Variants in ENOX1 observed in about 807,000 individuals in gnomAD.
ENOX1 encodes ecto-NOX disulfide-thiol exchanger 1, also known as candidate growth-related and time keeping constitutive hydroquinone (NADH) oxidase.
ENOX1 carries 42 observed loss-of-function variants against 82.5 expected under a neutral mutation model. That is an observed-to-expected ratio of 0.51 (90% confidence interval 0.40 to 0.66). ENOX1 has a LOEUF of 0.66. Among genes scored for constraint, ENOX1 ranks in the 30% least tolerant of loss-of-function variants. ENOX1 has a pLI of 0.00. For synonymous variants in ENOX1, 271 were observed against 282.2 expected, an observed-to-expected ratio of 0.96 and a Z score of 0.40; for missense variants, 608 against 811.6, an observed-to-expected ratio of 0.75 and a Z score of 3.05.
At chr13:43,713,473 G>A (rs2087880776) in intron 1 of ENOX1, among the ~76,000 whole-genome samples, 1 of 152,036 alleles carries the variant, frequency 6.6e-6, no homozygotes, top group African/African-American at 2.4e-5. Context: ...GATTGGAATA[G>A]TTTCAGAAGG....
At chr13:43,464,118 G>GA (rs1348958615) in intron 3 of ENOX1, among the ~76,000 whole-genome samples, 9 of 152,164 alleles carry the variant, frequency 5.9e-5, no homozygotes, top group Non-Finnish European at 1.3e-4. Context: ...CTCTTAAGCT[G>GA]AATTCTAAGA....
intron 2 of ENOX1, among the ~76,000 whole-genome samples, chr13:43,651,703 A>AAAAAAAAAAAAAAAAAAAAAAAC (rs1171843195): frequency 6.9e-6 from 1 of 145,858 alleles, no homozygotes; most frequent in Non-Finnish European, 1.5e-5. Context: ...TCTAAAAAAA[A>AAAAAAAAAAAAAAAAAAAAAAAC]AAATCACACC....
At chr13:43,248,258 C>G (rs2043254028) in intron 14 of ENOX1, among the ~76,000 whole-genome samples, 1 of 151,958 alleles carries the variant, frequency 6.6e-6, no homozygotes, top group African/African-American at 2.4e-5. Context: ...TTTGTTACTA[C>G]ATAGACAGGC....
intron 12 of ENOX1, among the ~76,000 whole-genome samples, chr13:43,287,054 G>T (rs947390389): frequency 6.6e-6 from 1 of 152,174 alleles, no homozygotes; most frequent in Non-Finnish European, 1.5e-5. Flanking sequence ...GGCCTAGGCT[G>T]CAGTTCTGAC....
At chr13:43,631,499 C>T (rs1477305621) in intron 2 of ENOX1, among the ~76,000 whole-genome samples, 1 of 152,142 alleles carries the variant, frequency 6.6e-6, no homozygotes, top group African/African-American at 2.4e-5. Context: ...TGCTAGGAAT[C>T]GGGAAACTGA....
intron 1 of ENOX1, among the ~76,000 whole-genome samples, chr13:43,699,277 T>C (rs2086795030): frequency 6.6e-6 from 1 of 152,210 alleles, no homozygotes. Context: ...TTCGTTTTTA[T>C]ACACTTCTGG....
At chr13:43,579,876 G>A (rs2153717470) in intron 2 of ENOX1, among the ~76,000 whole-genome samples, 1 of 152,302 alleles carries the variant, frequency 6.6e-6, no homozygotes, top group Middle Eastern at 3.4e-3. Context: ...GGAGGGATAT[G>A]ACACTGGAAA....
At chr13:43,382,830 T>C (rs1170683213) in intron 5 of ENOX1, among the ~76,000 whole-genome samples, 2 of 152,176 alleles carry the variant, frequency 1.3e-5, no homozygotes, top group African/African-American at 2.4e-5. Flanking sequence ...CTTTAGGTCA[T>C]AGGTAAAAAC....
chr13:43,419,612 G>T (rs2054854251), intron 3 of ENOX1, among the ~76,000 whole-genome samples: 1 of 152,080 alleles, frequency 6.6e-6, no homozygotes, highest in Admixed American at 6.5e-5. Context: ...AAGTCCTTAG[G>T]TTTATACCTA....
chr13:43,287,443 C>T (rs764887900), intron 12 of ENOX1, among the ~76,000 whole-genome samples: 3 of 152,160 alleles, frequency 2.0e-5, no homozygotes, highest in African/African-American at 4.8e-5. Flanking sequence ...ATGATTTTAT[C>T]GTAGCAAGCC....
chr13:43,365,210 A>G (rs1436209227), intron 5 of ENOX1, among the ~76,000 whole-genome samples: 5 of 152,196 alleles, frequency 3.3e-5, no homozygotes, highest in African/African-American at 1.2e-4. Flanking sequence ...ATTTGAGATG[A>G]GAACTAGATT....
chr13:43,571,313 C>G (rs548680598), intron 2 of ENOX1, among the ~76,000 whole-genome samples: 1 of 152,186 alleles, frequency 6.6e-6, no homozygotes, highest in Non-Finnish European at 1.5e-5. Flanking sequence ...ATCTGTCTCA[C>G]TCTCATGTTT....
chr13:43,571,797 T>C (rs2325042), intron 2 of ENOX1, among the ~76,000 whole-genome samples: 60,401 of 152,048 alleles, frequency 0.4, 12,544 homozygotes, highest in East Asian at 0.77. Context: ...ATCTGTGAGG[T>C]GAAGGGGCTG....
chr13:43,743,534 A>C (rs1949865639), intron 1 of ENOX1, among the ~76,000 whole-genome samples: 1 of 152,146 alleles, frequency 6.6e-6, no homozygotes, highest in Non-Finnish European at 1.5e-5. Context: ...TCTTGAGAAG[A>C]TGGTCAAGGC....
chr13:43,670,304 T>C (rs1010509936), intron 1 of ENOX1, among the ~76,000 whole-genome samples: 1 of 152,196 alleles, frequency 6.6e-6, no homozygotes, highest in South Asian at 2.1e-4. Flanking sequence ...CAATCTTGCA[T>C]ATAGTCTTTG....
At chr13:43,440,206 A>G (rs1222803924) in intron 3 of ENOX1, among the ~76,000 whole-genome samples, 1 of 152,196 alleles carries the variant, frequency 6.6e-6, no homozygotes, top group Non-Finnish European at 1.5e-5. Context: ...AGTCTGATAA[A>G]TCTAGAGCTT....
chr13:43,267,014 C>A (rs1461003412), intron 13 of ENOX1, among the ~76,000 whole-genome samples: 2 of 152,166 alleles, frequency 1.3e-5, no homozygotes, highest in East Asian at 3.9e-4. Context: ...TAACTCTGCT[C>A]TCGCTTTTTC....
chr13:43,720,286 G>A (rs969883485), intron 1 of ENOX1, among the ~76,000 whole-genome samples: 6 of 152,134 alleles, frequency 3.9e-5, no homozygotes, highest in African/African-American at 1.4e-4. Context: ...CTGGACTAGG[G>A]CTGCTCCCTG....
intron 2 of ENOX1, among the ~76,000 whole-genome samples, chr13:43,636,641 A>T (rs184305657): frequency 6.9e-4 from 105 of 152,144 alleles, no homozygotes; most frequent in Admixed American, 2.0e-3. Context: ...GATGTCCAGA[A>T]CATTCCACCT....
Sources: allele counts gnomAD v4.1 joint callset (sites outside exome capture counted in the v4.1 genomes callset), GRCh38; gene constraint gnomAD v4.1.1; transcripts MANE v1.5; gene names NCBI Gene and HGNC (gene_info 2026-07-23, HGNC 2026-07-21).